The following RYR3 variants were observed in gnomAD, a reference collection of about 807,000 sequenced individuals.
The protein encoded by RYR3 is brain ryanodine receptor-calcium release channel.
A neutral mutation model predicts 584.3 loss-of-function variants in RYR3; 207 were observed. That is an observed-to-expected ratio of 0.35 (90% CI 0.32 to 0.40). RYR3 has a LOEUF of 0.40. RYR3 is among the 10% of genes least tolerant of loss of function. The probability of loss-of-function intolerance (pLI) is 1.00; values close to 1 mark genes in which losing one functional copy is unlikely to be tolerated. For missense variants in RYR3, 5,616 were observed against 6,089.2 expected (o/e 0.92, Z 2.59); for synonymous variants, 2,416 against 2,248.5 (o/e 1.07, Z -2.11).
chr15:33,783,467 GT>G, intron 65 of RYR3, among the ~76,000 whole-genome samples: 1 of 152,292 alleles, frequency 6.6e-6, no homozygotes, highest in Admixed American at 6.5e-5. Context: ...ACAAATGTTT[GT>G]TCCACTCAAG....
chr15:33,338,154 C>G (rs763102665), intron 1 of RYR3, among the ~76,000 whole-genome samples: 1 of 151,880 alleles, frequency 6.6e-6, no homozygotes, highest in African/African-American at 2.4e-5. Flanking sequence ...ACTGTGTTAG[C>G]CGGGATGATC....
chr15:33,647,416 T>C lies in RYR3; in HGVS notation c.3942-8T>C, dbSNP rs1165802890. 6.2e-7 allele frequency: 1 copy of C among 1,605,586 alleles called. No individual in the cohort carries two copies. The highest frequency in any genetic ancestry group is 1.1e-5 in the South Asian group (1 of 90,782). On this transcript the variant is annotated splice_polypyrimidine_tract_variant and splice_region_variant and intron_variant, in intron 29 of 103. Coordinates refer to ENST00000634891, the MANE Select transcript of RYR3 (RefSeq NM_001036.6). ...GAATAACTAAAACATGGATTATCTT[T>C]CCCCCAGGAAACAGATGCAAGAAAT...
intron 36 of RYR3, among the ~76,000 whole-genome samples, chr15:33,664,785 G>A (rs931695049): frequency 6.6e-6 from 1 of 151,872 alleles, no homozygotes; most frequent in African/African-American, 2.4e-5. Flanking sequence ...TGTCCATAAA[G>A]TGTTGTCAAT....
chr15:33,562,121 C>A (rs1283458397), intron 10 of RYR3, among the ~76,000 whole-genome samples: 1 of 152,194 alleles, frequency 6.6e-6, no homozygotes, highest in Non-Finnish European at 1.5e-5. Context: ...CATCAGAGGT[C>A]TACCTCATGA....
At chr15:33,467,980 T>C (rs2048619922) in intron 1 of RYR3, among the ~76,000 whole-genome samples, 1 of 152,194 alleles carries the variant, frequency 6.6e-6, no homozygotes, top group Non-Finnish European at 1.5e-5. Context: ...CACCATGGGC[T>C]TTAGAATCAG....
At chr15:33,521,564 T>G (rs1389138718) in intron 3 of RYR3, among the ~76,000 whole-genome samples, 5 of 152,176 alleles carry the variant, frequency 3.3e-5, no homozygotes, top group Non-Finnish European at 5.9e-5. Context: ...TTTTCCTTGC[T>G]TAGTGGCAAA....
At chr15:33,732,076 G>A (rs901896206) in intron 48 of RYR3, among the ~76,000 whole-genome samples, 3 of 152,124 alleles carry the variant, frequency 2.0e-5, no homozygotes, top group Non-Finnish European at 2.9e-5. Context: ...GCCAGACTCT[G>A]AGTGTGAATA....
intron 38 of RYR3, among the ~76,000 whole-genome samples, chr15:33,681,970 T>C (rs1308548722): frequency 6.6e-6 from 1 of 152,222 alleles, no homozygotes; most frequent in East Asian, 1.9e-4. Context: ...TGGACTGTGA[T>C]CTAAATTTGG....
At chr15:33,854,130 A>G (rs2079389781) in intron 96 of RYR3, among the ~76,000 whole-genome samples, 1 of 150,130 alleles carries the variant, frequency 6.7e-6, no homozygotes, top group South Asian at 2.1e-4. Flanking sequence ...TGGCAGGTGG[A>G]GGTTGCAGTA....
chr15:33,573,918 C>T (rs1008046136), intron 12 of RYR3, among the ~76,000 whole-genome samples: 1 of 152,148 alleles, frequency 6.6e-6, no homozygotes, highest in Non-Finnish European at 1.5e-5. Flanking sequence ...TTTTTGAGGA[C>T]AGAATGAATC....
chr15:33,480,772 G>T (rs1251730165), intron 2 of RYR3, among the ~76,000 whole-genome samples: 1 of 152,120 alleles, frequency 6.6e-6, no homozygotes, highest in Non-Finnish European at 1.5e-5. Context: ...CCAGCATATG[G>T]TCTATGTTGG....
chr15:33,520,358 A>G (rs147915692), intron 3 of RYR3, among the ~76,000 whole-genome samples: 225 of 152,324 alleles, frequency 1.5e-3, no homozygotes, highest in African/African-American at 5.1e-3. Context: ...GGAAATACTC[A>G]TTATGCTACA....
At position 33,789,986 on chromosome 15, in the gene RYR3, C is replaced by CTTTTTTTTTTTTTTTTTTTT. The variant is rs757370991; in HGVS notation, c.9830+1532_9830+1551dup. On this transcript the variant is annotated intron_variant, in intron 67 of 103. Coordinates refer to ENST00000634891, the MANE Select transcript of RYR3 (RefSeq NM_001036.6). ...GGCGTGAGCCACCACGCCTGGCCTT[C>CTTTTTTTTTTTTTTTTTTTT]TTTTTTTTTTTTTTTTTTTTTTTGA... Among the ~76,000 whole-genome samples, 24 of 53,256 alleles carry CTTTTTTTTTTTTTTTTTTTT rather than the reference C, an allele frequency of 4.5e-4. 5 individuals carry two copies. The highest frequency in any genetic ancestry group is 1.3e-3 in the African/African-American group (12 of 9,428). The allele number at this position is 53,256 out of a possible 152,430, so 34.9% of individuals were successfully genotyped here.
At chr15:33,697,694 A>G (rs1029650226) in intron 39 of RYR3, among the ~76,000 whole-genome samples, 188 bp from the exon 40 acceptor site, 10 of 152,246 alleles carry the variant, frequency 6.6e-5, no homozygotes, top group African/African-American at 2.2e-4. Context: ...AGAGGAGCAC[A>G]GAATATTTCA....
In RYR3 at chr15:33,739,891, C is replaced by T; in HGVS notation, c.7716C>T (p.Ala2572=). 1 of 1,613,688 alleles carries T rather than the reference C, an allele frequency of 6.2e-7. No homozygotes were observed. Among genetic ancestry groups the T allele is most frequent in the South Asian group, 1.1e-5 (1 of 91,014 alleles). Residue 2572 remains alanine (A), a synonymous_variant, in exon 51 of 104, where the codon GCC becomes GCT. Transcript: ENST00000634891. ...ALPCLSAIAG[A]LPPDYLDTRI... is the part of the protein sequence containing the mutation. ...CTTGTCTCAGTGCTATAGCTGGGGC[C>T]TTGCCACCAGATTATTTAGATACCA...
At chr15:33,624,731 A>T (rs1377456754) in intron 20 of RYR3, among the ~76,000 whole-genome samples, 1 of 152,206 alleles carries the variant, frequency 6.6e-6, no homozygotes, top group African/African-American at 2.4e-5. Flanking sequence ...TTCACGTGGT[A>T]TTACAAGGGG....
At chr15:33,744,326 AT>A (rs1443912589) in intron 52 of RYR3, among the ~76,000 whole-genome samples, 1 of 152,106 alleles carries the variant, frequency 6.6e-6, no homozygotes, top group Non-Finnish European at 1.5e-5. Context: ...CTATTTATCA[AT>A]TTTACATTCA....
chr15:33,656,113 C>T (rs1488767955), intron 32 of RYR3, among the ~76,000 whole-genome samples: 2 of 152,218 alleles, frequency 1.3e-5, no homozygotes, highest in East Asian at 1.9e-4. Context: ...ACACAGGCAG[C>T]TATGAGGTTT....
chr15:33,572,654 TATATACACACACAC>T (rs1331483500), intron 12 of RYR3, among the ~76,000 whole-genome samples: 23 of 121,160 alleles, frequency 1.9e-4, no homozygotes, highest in African/African-American at 6.5e-4. Flanking sequence ...AAAAAAACTA[TATATACACACACAC>T]ACACACACAC....
Sources: gnomAD v4.1 joint callset for allele counts (sites outside exome capture counted in the v4.1 genomes callset) on GRCh38, gnomAD v4.1.1 for gene constraint, MANE v1.5 for transcripts, NCBI Gene and HGNC (gene_info 2026-07-23, HGNC 2026-07-21) for gene names.